CALCR: variants seen among roughly 807,000 people sequenced by gnomAD.
CALCR encodes the protein calcitonin receptor.
CALCR carries 47 observed loss-of-function variants against 59.5 expected under a neutral mutation model. That is an observed-to-expected ratio of 0.79 (90% CI 0.63 to 1.01). The LOEUF is 1.01. Ranked by LOEUF, CALCR falls within the 50% of genes least tolerant of loss-of-function variation. The pLI, the probability that CALCR is intolerant of heterozygous loss-of-function variation, is 0.00. For missense variants in CALCR, 566 were observed against 597.1 expected, an observed-to-expected ratio of 0.95 and a Z score of 0.54; for synonymous variants, 213 against 211.3, an observed-to-expected ratio of 1.01 and a Z score of -0.07.
intron 2 of CALCR, among the ~76,000 whole-genome samples, chr7:93,530,261 A>T (rs1458573651): frequency 6.6e-6 from 1 of 152,154 alleles, no homozygotes; most frequent in East Asian, 1.9e-4. Flanking sequence ...ATCACAATTT[A>T]TTTGATTTAT....
chr7:93,556,378 T>C (rs1446255117), intron 2 of CALCR, among the ~76,000 whole-genome samples: 1 of 152,166 alleles, frequency 6.6e-6, no homozygotes, highest in East Asian at 1.9e-4. Context: ...TTTAAATGTC[T>C]TTCACTTTTT....
chr7:93,472,566 G>A, intron 5 of CALCR, 79 bp from the exon 6 acceptor site: 1 of 837,864 alleles, frequency 1.2e-6, no homozygotes, highest in Non-Finnish European at 2.0e-6. Context: ...AAGCTTAAAA[G>A]CCATTCCAAC....
chr7:93,491,909 C>G (rs1801086303), intron 2 of CALCR, among the ~76,000 whole-genome samples: 1 of 151,738 alleles, frequency 6.6e-6, no homozygotes, highest in South Asian at 2.1e-4. Flanking sequence ...GGGTATATAC[C>G]CAAAGGAATG....
chr7:93,447,260 C>T (rs1192288614), intron 8 of CALCR, among the ~76,000 whole-genome samples: 3 of 151,990 alleles, frequency 2.0e-5, no homozygotes, highest in Non-Finnish European at 2.9e-5. Context: ...TAGTCTAATA[C>T]ATCAAGTCAA....
At chr7:93,521,016 G>C (rs561436418) in intron 2 of CALCR, among the ~76,000 whole-genome samples, 5 of 152,162 alleles carry the variant, frequency 3.3e-5, no homozygotes, top group African/African-American at 1.2e-4. Flanking sequence ...GTGTTTCTCA[G>C]TTGGCTCCCT....
At chr7:93,550,576 C>T (rs1789425880) in intron 2 of CALCR, among the ~76,000 whole-genome samples, 1 of 125,176 alleles carries the variant, frequency 8.0e-6, no homozygotes, top group South Asian at 2.5e-4. Flanking sequence ...ATAATTATAA[C>T]CAAGCATTTC....
intron 8 of CALCR, among the ~76,000 whole-genome samples, chr7:93,459,493 G>C (rs182068488): frequency 8.9e-4 from 135 of 152,206 alleles, no homozygotes; most frequent in Middle Eastern, 3.4e-3. Context: ...CAATGAAAAA[G>C]CAGAGCCTCA....
chr7:93,564,460 T>TTA (rs1554409495), intron 2 of CALCR, among the ~76,000 whole-genome samples: 1 of 146,224 alleles, frequency 6.8e-6, no homozygotes, highest in African/African-American at 2.5e-5. Context: ...ACTACACTTT[T>TTA]AAAAAAAAAA....
chr7:93,483,408 T>TATAGATAGATAG (rs71782849), intron 3 of CALCR, among the ~76,000 whole-genome samples: 9 of 140,884 alleles, frequency 6.4e-5, no homozygotes, highest in East Asian at 2.1e-4. Context: ...GGGCTGACTG[T>TATAGATAGATAG]ATAGATAGAT....
At chr7:93,460,338 G>C (rs1049935169) in intron 8 of CALCR, among the ~76,000 whole-genome samples, 1 of 151,656 alleles carries the variant, frequency 6.6e-6, no homozygotes, top group Non-Finnish European at 1.5e-5. Flanking sequence ...GGCAGATCAC[G>C]AAGTCAGGAG....
intron 2 of CALCR, among the ~76,000 whole-genome samples, chr7:93,508,840 T>C (rs899790129): frequency 6.6e-5 from 10 of 152,170 alleles, no homozygotes; most frequent in Non-Finnish European, 1.5e-4. Context: ...GATCTTACTG[T>C]CCATGTACCT....
chr7:93,536,263 A>T (rs1262019967), intron 2 of CALCR, among the ~76,000 whole-genome samples: 1 of 151,780 alleles, frequency 6.6e-6, no homozygotes, highest in Non-Finnish European at 1.5e-5. Context: ...ACACTATTTC[A>T]TGGAAGTGAA....
chr7:93,552,992 T>C (rs1014247499), intron 2 of CALCR, among the ~76,000 whole-genome samples: 2 of 152,176 alleles, frequency 1.3e-5, no homozygotes, highest in Admixed American at 6.6e-5. Flanking sequence ...ATGGCAATGG[T>C]AAAACAACAA....
intron 9 of CALCR, among the ~76,000 whole-genome samples, chr7:93,438,896 G>C (rs1457325372): frequency 6.6e-6 from 1 of 150,954 alleles, no homozygotes; most frequent in African/African-American, 2.4e-5. Flanking sequence ...AACTCAAAGT[G>C]CTAGTAAAAA....
chr7:93,499,639 A>G (rs1180392024), intron 2 of CALCR, among the ~76,000 whole-genome samples: 1 of 151,774 alleles, frequency 6.6e-6, no homozygotes, highest in Admixed American at 6.6e-5. Context: ...AAATCGCAGG[A>G]CTTTGCCATG....
intron 2 of CALCR, among the ~76,000 whole-genome samples, chr7:93,539,590 T>C (rs1789077856): frequency 6.6e-6 from 1 of 152,118 alleles, no homozygotes; most frequent in Non-Finnish European, 1.5e-5. Flanking sequence ...ATGGTATAGG[T>C]CCCTGGAATC....
Position 93,531,282 on chromosome 7 carries a change from T to C in CALCR, c.-27+43007A>G, listed in dbSNP as rs897633642. 5.7e-4 allele frequency among the ~76,000 whole-genome samples: 86 copies of C among 152,084 alleles called. 1 individual carries two copies. The highest frequency in any genetic ancestry group is 2.6e-4 in the Non-Finnish European group (18 of 68,006). The stretch of plus-strand genomic sequence containing the variant: ...TGTGCCTTCACTCGGTGGAGAAGAA[T>C]TTGCTTTAGGCAATGGGGGAATGGA... On this transcript the variant is annotated intron_variant, in intron 2 of 13. Transcript: ENST00000426151.
chr7:93,540,439 G>T (rs918109653), intron 2 of CALCR, among the ~76,000 whole-genome samples: 7 of 151,982 alleles, frequency 4.6e-5, no homozygotes, highest in African/African-American at 1.7e-4. Flanking sequence ...CCAATAAAAT[G>T]TTTACATTTA....
At chr7:93,549,016 TTTAAG>T (rs776266886) in intron 2 of CALCR, among the ~76,000 whole-genome samples, 15 of 152,118 alleles carry the variant, frequency 9.9e-5, no homozygotes, top group Non-Finnish European at 1.8e-4. Flanking sequence ...TTACGTTGGA[TTTAAG>T]TTATTTCCTT....
Sources: allele counts gnomAD v4.1 joint callset (sites outside exome capture counted in the v4.1 genomes callset), GRCh38; gene constraint gnomAD v4.1.1; transcripts MANE v1.5; gene names NCBI Gene and HGNC (gene_info 2026-07-23, HGNC 2026-07-21).